The following CIRSR variants were observed in gnomAD, a reference collection of about 807,000 sequenced individuals.
The protein encoded by CIRSR is corepressor of RBPJ and splicing regulator, also known as CBF1 (RBPJ) interacting corepressor 1.
the CIRSR span, among the ~76,000 whole-genome samples, chr2:174,394,854 C>A: frequency 1.3e-5 from 2 of 152,184 alleles, no homozygotes; most frequent in Admixed American, 1.3e-4. Flanking sequence ...TGTTTCAAAT[C>A]CTTTATCTTC....
the CIRSR span, among the ~76,000 whole-genome samples, chr2:174,368,560 A>G: frequency 6.6e-6 from 1 of 152,244 alleles, no homozygotes; most frequent in Non-Finnish European, 1.5e-5. Flanking sequence ...GGCTCACATC[A>G]GTAATCCCAG....
chr2:174,364,726 A>T, the CIRSR span, among the ~76,000 whole-genome samples: 9 of 152,178 alleles, frequency 5.9e-5, no homozygotes, highest in African/African-American at 1.7e-4. Context: ...ATGTCCCAAG[A>T]TCTACATTGG....
At chr2:174,351,774 T>G in the CIRSR span, 1 of 1,429,996 alleles carries the variant, frequency 7.0e-7, no homozygotes, top group Non-Finnish European at 9.7e-7. Flanking sequence ...TCTCTCTACC[T>G]TTTTCGGACT....
the CIRSR span, chr2:174,350,688 T>G: frequency 6.2e-7 from 1 of 1,609,322 alleles, no homozygotes; most frequent in Middle Eastern, 1.7e-4. Flanking sequence ...TGTTTGGTTG[T>G]TAGTGACTTT....
At chr2:174,376,003 G>A in the CIRSR span, among the ~76,000 whole-genome samples, 3 of 152,100 alleles carry the variant, frequency 2.0e-5, no homozygotes, top group African/African-American at 7.2e-5. Context: ...GACTACAGGT[G>A]CAGACCACCA....
the CIRSR span, among the ~76,000 whole-genome samples, chr2:174,376,293 T>C: frequency 6.6e-6 from 1 of 152,242 alleles, no homozygotes; most frequent in Non-Finnish European, 1.5e-5. Flanking sequence ...GAATCACTAA[T>C]ATGTAGACTT....
the CIRSR span, among the ~76,000 whole-genome samples, chr2:174,349,558 C>CT: frequency 5.0e-5 from 5 of 101,006 alleles, no homozygotes; most frequent in Non-Finnish European, 8.4e-5. Context: ...GAGTGAGACT[C>CT]TGTCTTAAAA....
the CIRSR span, among the ~76,000 whole-genome samples, chr2:174,354,663 ATATATATTATATATTT>A: frequency 1.1e-5 from 1 of 92,186 alleles, no homozygotes; most frequent in African/African-American, 4.4e-5. Flanking sequence ...ATATTATATA[ATATATATTATATATTT>A]TATATATTAT....
chr2:174,349,300 C>G, the CIRSR span: 4 of 584,808 alleles, frequency 6.8e-6, no homozygotes, highest in Non-Finnish European at 1.1e-5. Context: ...AGCGCGCTGG[C>G]TCATACCTGT....
chr2:174,350,378 A>G, the CIRSR span, among the ~76,000 whole-genome samples: 1 of 152,238 alleles, frequency 6.6e-6, no homozygotes, highest in Admixed American at 6.5e-5. Flanking sequence ...GATACACACA[A>G]ATCTATTTTG....
the CIRSR span, among the ~76,000 whole-genome samples, chr2:174,356,473 C>G: frequency 7.3e-6 from 1 of 136,180 alleles, no homozygotes; most frequent in South Asian, 2.3e-4. Flanking sequence ...TGTCAAAAGA[C>G]AGACAGAAAA....
the CIRSR span, among the ~76,000 whole-genome samples, chr2:174,377,403 A>T: frequency 1.3e-5 from 2 of 152,176 alleles, no homozygotes; most frequent in African/African-American, 4.8e-5. Flanking sequence ...GGGTACCTGT[A>T]CTGGGGTATC....
At chr2:174,352,748 C>G in the CIRSR span, among the ~76,000 whole-genome samples, 3 of 152,132 alleles carry the variant, frequency 2.0e-5, no homozygotes, top group Non-Finnish European at 2.9e-5. Flanking sequence ...AAGTTGCCAG[C>G]CTAAATCACC....
At chr2:174,350,469 T>C in the CIRSR span, among the ~76,000 whole-genome samples, 5 of 152,190 alleles carry the variant, frequency 3.3e-5, no homozygotes, top group Non-Finnish European at 7.4e-5. Context: ...AATCTGAGTA[T>C]ACAATCTTAC....
chr2:174,395,129 A>C, the CIRSR span, among the ~76,000 whole-genome samples: 1 of 152,178 alleles, frequency 6.6e-6, no homozygotes, highest in African/African-American at 2.4e-5. Flanking sequence ...TAGTCATCAA[A>C]AAGACACTAG....
chr2:174,364,055 G>C, the CIRSR span, among the ~76,000 whole-genome samples: 2 of 152,156 alleles, frequency 1.3e-5, no homozygotes, highest in East Asian at 3.9e-4. Flanking sequence ...CTGCCTATGA[G>C]CCTCTAAAAT....
At chr2:174,374,755 T>C in the CIRSR span, among the ~76,000 whole-genome samples, 1 of 152,208 alleles carries the variant, frequency 6.6e-6, no homozygotes, top group Non-Finnish European at 1.5e-5. Flanking sequence ...AACTGATGGT[T>C]TCCTCTATAC....
At chr2:174,371,988 G>A in the CIRSR span, among the ~76,000 whole-genome samples, 6 of 152,242 alleles carry the variant, frequency 3.9e-5, no homozygotes, top group South Asian at 1.2e-3. Context: ...GAATCAGCAA[G>A]TGGATTAGAA....
chr2:174,379,716 CTTTTTTTTTTTTTT>C, the CIRSR span, among the ~76,000 whole-genome samples: 9 of 83,716 alleles, frequency 1.1e-4, no homozygotes, highest in East Asian at 4.5e-3. Context: ...TGATTCCTGT[CTTTTTTTTTTTTTT>C]TTTTTTTTTT....
Sources: gnomAD v4.1 joint callset for allele counts (sites outside exome capture counted in the v4.1 genomes callset) on GRCh38, gnomAD v4.1.1 for gene constraint, MANE v1.5 for transcripts, NCBI Gene and HGNC (gene_info 2026-07-23, HGNC 2026-07-21) for gene names.